The following ROBO1 variants were observed in gnomAD, a reference collection of about 807,000 sequenced individuals.
ROBO1 encodes roundabout guidance receptor 1, also known as roundabout homolog 1.
A neutral mutation model predicts 195.9 loss-of-function variants in ROBO1; 149 were observed. The observed-to-expected ratio is 0.76, with a 90% CI of 0.67 to 0.87. The LOEUF (loss-of-function observed/expected upper bound fraction) is 0.87. Among genes scored for constraint, ROBO1 ranks in the 40% least tolerant of loss-of-function variants. The pLI is 0.00. For missense variants in ROBO1, 1,933 were observed against 2,068.3 expected, an observed-to-expected ratio of 0.93 and a Z score of 1.27; for synonymous variants, 816 against 733.2, an observed-to-expected ratio of 1.11 and a Z score of -1.82.
intron 4 of ROBO1, among the ~76,000 whole-genome samples, chr3:78,752,475 G>A (rs2082822003): frequency 1.3e-5 from 2 of 152,088 alleles, no homozygotes; most frequent in Admixed American, 1.3e-4. Context: ...GATAAATTTT[G>A]AAGGCTGGAT....
chr3:79,147,806 A>T (rs555473989), intron 2 of ROBO1, among the ~76,000 whole-genome samples: 2 of 152,034 alleles, frequency 1.3e-5, no homozygotes, highest in African/African-American at 4.8e-5. Context: ...ATGCACTTAA[A>T]TTTTTTTATT....
intron 4 of ROBO1, among the ~76,000 whole-genome samples, chr3:78,928,625 C>T (rs1436038233): frequency 6.6e-6 from 1 of 152,132 alleles, no homozygotes; most frequent in African/African-American, 2.4e-5. Context: ...GTTCCTCTTT[C>T]ATCAGTTATT....
intron 3 of ROBO1, among the ~76,000 whole-genome samples, chr3:79,062,349 C>A (rs952745317): frequency 1.3e-5 from 2 of 152,020 alleles, no homozygotes; most frequent in Admixed American, 6.6e-5. Flanking sequence ...CAGGAAACAA[C>A]AAATGATGGA....
At chr3:79,703,024 T>C (rs2107172036) in intron 1 of ROBO1, among the ~76,000 whole-genome samples, 1 of 152,014 alleles carries the variant, frequency 6.6e-6, no homozygotes, top group Admixed American at 6.6e-5. Context: ...TTAAGAAGCA[T>C]GTGATTTTAG....
chr3:79,690,630 A>G (rs115812326), intron 1 of ROBO1, among the ~76,000 whole-genome samples: 1,659 of 152,092 alleles, frequency 0.011, 42 homozygotes, highest in African/African-American at 0.039. Context: ...TGGCAATAGA[A>G]AACTAATATA....
chr3:78,869,374 G>C (rs1245370960), intron 4 of ROBO1, among the ~76,000 whole-genome samples: 1 of 152,124 alleles, frequency 6.6e-6, no homozygotes, highest in Non-Finnish European at 1.5e-5. Flanking sequence ...AACAAACGTT[G>C]ATCTTTCTTT....
At chr3:79,664,092 CACTT>C (rs1432390156) in intron 1 of ROBO1, among the ~76,000 whole-genome samples, 3 of 151,988 alleles carry the variant, frequency 2.0e-5, no homozygotes, top group African/African-American at 7.2e-5. Context: ...TATTTTAAAT[CACTT>C]ACCATGTTCT....
intron 3 of ROBO1, among the ~76,000 whole-genome samples, chr3:79,027,978 A>G (rs760873308): frequency 2.0e-5 from 3 of 152,062 alleles, no homozygotes; most frequent in Admixed American, 6.6e-5. Context: ...GAAGATTTCT[A>G]AATATTACTT....
In ROBO1 at chr3:79,044,684, AG is replaced by A. The variant is rs111411396; in HGVS notation, c.172+80771del. On this transcript the variant is annotated intron_variant, in intron 3 of 30. Coordinates refer to ENST00000464233, the MANE Select transcript of ROBO1 (RefSeq NM_002941.4). ...GGAGGAAGGGAGACTAAAACTTTAT[AG>A]TGAAACACAGTCAGCTTTTTTTAAA... 7.9e-5 allele frequency among the ~76,000 whole-genome samples: 12 copies of A among 152,276 alleles called. 1 individual carries two copies. The highest frequency in any genetic ancestry group is 2.9e-4 in the African/African-American group (12 of 41,562).
At chr3:78,724,076 C>T (rs1360010604) in intron 5 of ROBO1, among the ~76,000 whole-genome samples, 3 of 152,032 alleles carry the variant, frequency 2.0e-5, no homozygotes, top group Non-Finnish European at 2.9e-5. Flanking sequence ...GACACTGCCT[C>T]AGGGATGATA....
At chr3:78,898,348 T>C (rs983680867) in intron 4 of ROBO1, among the ~76,000 whole-genome samples, 8 of 147,866 alleles carry the variant, frequency 5.4e-5, no homozygotes, top group Non-Finnish European at 1.0e-4. Flanking sequence ...GAGAGACAGA[T>C]ATATATATAG....
chr3:79,387,940 T>G (rs2036815101), intron 2 of ROBO1, among the ~76,000 whole-genome samples: 1 of 152,138 alleles, frequency 6.6e-6, no homozygotes, highest in Admixed American at 6.6e-5. Context: ...CTATGTTCTT[T>G]TAAAATTTGT....
chr3:79,058,659 AT>A (rs1392203288), intron 3 of ROBO1, among the ~76,000 whole-genome samples: 1 of 151,836 alleles, frequency 6.6e-6, no homozygotes, highest in African/African-American at 2.4e-5. Flanking sequence ...TGGATGAACA[AT>A]CAAACTGTCC....
chr3:78,859,948 G>T (rs529703060), intron 4 of ROBO1, among the ~76,000 whole-genome samples: 2 of 152,012 alleles, frequency 1.3e-5, no homozygotes, highest in African/African-American at 4.8e-5. Flanking sequence ...GCGTGGTGGC[G>T]GACGCCTGTG....
At chr3:79,387,651 T>C (rs2036802051) in intron 2 of ROBO1, among the ~76,000 whole-genome samples, 1 of 151,730 alleles carries the variant, frequency 6.6e-6, no homozygotes, top group Non-Finnish European at 1.5e-5. Flanking sequence ...TACATTTACA[T>C]ATTTTGTAAA....
At chr3:78,890,618 T>G (rs184569839) in intron 4 of ROBO1, among the ~76,000 whole-genome samples, 5 of 152,328 alleles carry the variant, frequency 3.3e-5, no homozygotes, top group African/African-American at 1.2e-4. Flanking sequence ...TTTTGTCCAT[T>G]AAGACATACT....
At chr3:78,940,908 A>T (rs1010431414) in intron 3 of ROBO1, among the ~76,000 whole-genome samples, 1 of 152,222 alleles carries the variant, frequency 6.6e-6, no homozygotes, top group Non-Finnish European at 1.5e-5. Flanking sequence ...CTGACAAGAA[A>T]GACCTAACTA....
intron 2 of ROBO1, among the ~76,000 whole-genome samples, chr3:79,179,571 T>C (rs1177987913): frequency 5.3e-5 from 8 of 152,232 alleles, no homozygotes; most frequent in African/African-American, 1.7e-4. Context: ...TAAAAAGCCA[T>C]GTCAGTGAAT....
At chr3:78,726,781 G>C (rs2082171979) in intron 5 of ROBO1, among the ~76,000 whole-genome samples, 1 of 152,122 alleles carries the variant, frequency 6.6e-6, no homozygotes, top group Non-Finnish European at 1.5e-5. Flanking sequence ...GGTGAAATCA[G>C]CTGCAGTACA....
Sources: allele counts gnomAD v4.1 joint callset (sites outside exome capture counted in the v4.1 genomes callset), GRCh38; gene constraint gnomAD v4.1.1; transcripts MANE v1.5; gene names NCBI Gene and HGNC (gene_info 2026-07-23, HGNC 2026-07-21).